Variants in PIEZO2 observed in about 807,000 individuals in gnomAD.
The protein encoded by PIEZO2 is piezo-type mechanosensitive ion channel component 2.
Under a neutral mutation model 337.3 loss-of-function variants are expected in PIEZO2, and 172 were observed. That is an observed-to-expected ratio of 0.51 (90% CI 0.45 to 0.58). The LOEUF is 0.58. PIEZO2 is among the 20% of genes least tolerant of loss of function. The probability of loss-of-function intolerance (pLI) is 0.00; values close to 1 mark genes in which losing one functional copy is unlikely to be tolerated. For synonymous variants in PIEZO2, 1,251 were observed against 1,228.5 expected, an observed-to-expected ratio of 1.02 and a Z score of -0.38; for missense variants, 3,028 against 3,391.3, an observed-to-expected ratio of 0.89 and a Z score of 2.66.
intron 2 of PIEZO2, among the ~76,000 whole-genome samples, chr18:11,005,251 T>C (rs2035678059): frequency 6.6e-6 from 1 of 152,258 alleles, no homozygotes; most frequent in Admixed American, 6.5e-5. Context: ...TAGAGATGTC[T>C]CCTGTACAGA....
chr18:11,117,792 G>A (rs1254380656), intron 1 of PIEZO2, among the ~76,000 whole-genome samples: 1 of 152,150 alleles, frequency 6.6e-6, no homozygotes, highest in Admixed American at 6.5e-5. Context: ...AGTCTTCAGC[G>A]GGAGCATCAC....
chr18:10,828,465 A>G lies in PIEZO2; in HGVS notation c.918-21191T>C, dbSNP rs1349056796. ...TTTTAACAGCTTCTTCAATTAAGGGATTCATGTTTTCCTTCCATTGTTTCC... is the reference window on the plus strand; with the variant it reads ...TTTTAACAGCTTCTTCAATTAAGGGGTTCATGTTTTCCTTCCATTGTTTCC... On this transcript the variant is annotated intron_variant, in intron 7 of 55. Transcript: ENST00000674853. The surrounding 1 kb of genome is among the most constrained non-coding windows in gnomAD (Gnocchi z 4.1). Among the ~76,000 whole-genome samples, 4 of 152,142 alleles carry G rather than the reference A, an allele frequency of 2.6e-5. No individual in the cohort carries two copies. The East Asian group carries it at 7.7e-4, about 29-fold the overall frequency.
rs2040239439 is a variant in PIEZO2 at position 11,128,188 on chromosome 18, C to T, written c.64+20337G>A. Among the ~76,000 whole-genome samples the T allele has an allele frequency of 6.6e-6, 1 of 152,030 alleles. No individual in the cohort carries two copies. The highest frequency in any genetic ancestry group is 1.5e-5 in the Non-Finnish European group (1 of 68,012). Reference sequence around the variant, plus strand: ...GTTGGTTGCTCCTAAGTTCAGTGGACAAAGTGATGAAAGAAAATGATGAAC... The same window carrying T: ...GTTGGTTGCTCCTAAGTTCAGTGGATAAAGTGATGAAAGAAAATGATGAAC... On this transcript the variant is annotated intron_variant, in intron 1 of 55. Coordinates refer to ENST00000674853, the MANE Select transcript of PIEZO2 (RefSeq NM_001378183.1). This position sits in a 1 kb window ranked among gnomAD's most constrained non-coding sequence, Gnocchi z 4.1.
At chr18:11,057,168 T>C (rs553526723) in intron 2 of PIEZO2, among the ~76,000 whole-genome samples, 7 of 152,268 alleles carry the variant, frequency 4.6e-5, no homozygotes, top group Middle Eastern at 3.4e-3. Context: ...GCTCTCGTTC[T>C]TGAGCTCTGT....
At chr18:10,996,399 T>G (rs1305481016) in intron 2 of PIEZO2, among the ~76,000 whole-genome samples, 1 of 152,240 alleles carries the variant, frequency 6.6e-6, no homozygotes, top group African/African-American at 2.4e-5. Context: ...GTTGAATAAT[T>G]CAATGGCATT....
At position 10,952,222 on chromosome 18, in the gene PIEZO2, A is replaced by AT. The variant is rs952519095; in HGVS notation, c.286+27312dup. ...TGTGGTCGCTGGCTCTTTTTAAATC[A>AT]TTTTTTTTCTTATTAGATTATAAGT... On this transcript the variant is annotated intron_variant, in intron 3 of 55. Transcript: ENST00000674853. This position sits in a 1 kb window ranked among gnomAD's most constrained non-coding sequence, Gnocchi z 4.1. 4.0e-5 allele frequency among the ~76,000 whole-genome samples: 6 copies of AT among 151,832 alleles called. No individual in the cohort carries two copies. The highest frequency in any genetic ancestry group is 4.2e-4 in the South Asian group (2 of 4,800).
At chr18:11,044,727 G>T (rs1261181942) in intron 2 of PIEZO2, among the ~76,000 whole-genome samples, 1 of 152,192 alleles carries the variant, frequency 6.6e-6, no homozygotes, top group Non-Finnish European at 1.5e-5. Context: ...TTGCTATGAA[G>T]ATAGAATTAG....
chr18:10,837,500 A>G lies in PIEZO2; in HGVS notation c.917+17853T>C, dbSNP rs1450506884. On this transcript the variant is annotated intron_variant, in intron 7 of 55. Coordinates refer to ENST00000674853, the MANE Select transcript of PIEZO2 (RefSeq NM_001378183.1). The surrounding 1 kb of genome is among the most constrained non-coding windows in gnomAD (Gnocchi z 4.4). ...ATCCTTACCACCATGCACATCCTTT[A>G]GAATGTTGGGGCCAGCAAGAAAGCT... Among the ~76,000 whole-genome samples, 1 of 152,148 alleles carries G rather than the reference A, an allele frequency of 6.6e-6. No homozygotes were observed. The highest frequency in any genetic ancestry group is 1.5e-5 in the Non-Finnish European group (1 of 68,028).
chr18:10,827,779 C>T (rs11873927), intron 7 of PIEZO2, among the ~76,000 whole-genome samples: 2 of 152,104 alleles, frequency 1.3e-5, no homozygotes, highest in African/African-American at 4.8e-5. Context: ...CCACATATTC[C>T]TCTCTTCTCT....
At chr18:10,994,883 A>G (rs1222709496) in intron 2 of PIEZO2, among the ~76,000 whole-genome samples, 2 of 150,678 alleles carry the variant, frequency 1.3e-5, no homozygotes, top group African/African-American at 4.9e-5. Flanking sequence ...GAAGTTCAAG[A>G]CCAGCCTGGC....
chr18:10,748,598 C>A lies in PIEZO2; in HGVS notation c.4297G>T (p.Gly1433Trp). The part of the protein sequence containing the change: ...AANSPCTLPS[G>W]EAGIIWDSIC... Reference sequence around the variant, plus strand: ...CTGTCCCAAATGATTCCTGCTTCCCCACTGGGAAGTGTACAGGGTGAATTA... The same window carrying A: ...CTGTCCCAAATGATTCCTGCTTCCCAACTGGGAAGTGTACAGGGTGAATTA... The change falls in exon 30 of 56, where the codon GGG (glycine) becomes TGG (tryptophan). Residue 1433 changes from glycine (G) to tryptophan (W), a missense_variant. Physicochemically the swap from Gly to Trp is radical, Grantham distance 184. Around this residue, in one of 5 missense-constraint regions of PIEZO2, gnomAD observed 1,925 missense variants for 2,051.9 expected, o/e 0.94. Coordinates refer to ENST00000674853, the MANE Select transcript of PIEZO2 (RefSeq NM_001378183.1). The surrounding 1 kb of genome is among the most constrained non-coding windows in gnomAD (Gnocchi z 5.1). 6.5e-7 allele frequency: 1 copy of A among 1,528,760 alleles called. No homozygotes were observed. Among genetic ancestry groups the A allele is most frequent in the South Asian group, 1.2e-5 (1 of 82,298 alleles). 94.7% of individuals were successfully genotyped at this position (1,528,760 alleles called of 1,614,324 possible). A position where few individuals can be genotyped will look rare whatever the true frequency, so the allele number is the denominator to read the frequency against.
At position 10,750,072 on chromosome 18, in the gene PIEZO2, A is replaced by C; in HGVS notation, c.4264+19T>G. ...CCCTCTTCTGCCTTTCTGCCTTCACACTTGCTTTTCATACTTACGCATTTG... is the reference window on the plus strand; with the variant it reads ...CCCTCTTCTGCCTTTCTGCCTTCACCCTTGCTTTTCATACTTACGCATTTG... On this transcript the variant is annotated intron_variant, in intron 29 of 55. Transcript: ENST00000674853. This position sits in a 1 kb window ranked among gnomAD's most constrained non-coding sequence, Gnocchi z 4.1. 1 of 1,518,348 alleles carries C rather than the reference A, an allele frequency of 6.6e-7. No individual in the cohort carries two copies. Among genetic ancestry groups the C allele is most frequent in the Non-Finnish European group, 8.9e-7 (1 of 1,129,726 alleles). The allele number at this position is 1,518,348 out of a possible 1,614,324, so 94.1% of individuals were successfully genotyped here.
chr18:10,772,159 A>G (rs1223663596), intron 20 of PIEZO2, among the ~76,000 whole-genome samples: 1 of 152,212 alleles, frequency 6.6e-6, no homozygotes, highest in Non-Finnish European at 1.5e-5. Context: ...ATTCATGCAT[A>G]GTGTATACAG....
chr18:10,979,301 G>A lies in PIEZO2; in HGVS notation c.286+234C>T, dbSNP rs1389566262. On this transcript the variant is annotated intron_variant, in intron 3 of 55. Coordinates refer to ENST00000674853, the MANE Select transcript of PIEZO2 (RefSeq NM_001378183.1). This position sits in a 1 kb window ranked among gnomAD's most constrained non-coding sequence, Gnocchi z 4.0. ...AATGTCTTACATGCAGATAGGAGGT[G>A]ATCTCCAATACATGCTGAAGAGTCA... Among the ~76,000 whole-genome samples the A allele has an allele frequency of 6.6e-6, 1 of 151,680 alleles. No individual in the cohort carries two copies. Among genetic ancestry groups the A allele is most frequent in the Admixed American group, 6.6e-5 (1 of 15,218 alleles).
chr18:11,136,079 G>A (rs1419404732), intron 1 of PIEZO2, among the ~76,000 whole-genome samples: 2 of 152,232 alleles, frequency 1.3e-5, no homozygotes, highest in Non-Finnish European at 2.9e-5. Context: ...TTTAGGGACT[G>A]TGTCACATCT....
At chr18:11,120,527 G>A (rs1376062233) in intron 1 of PIEZO2, among the ~76,000 whole-genome samples, 1 of 152,082 alleles carries the variant, frequency 6.6e-6, no homozygotes, top group Non-Finnish European at 1.5e-5. Flanking sequence ...CAGGAAGACA[G>A]GAAAGAGAGG....
chr18:11,024,590 A>C (rs2036460910), intron 2 of PIEZO2, among the ~76,000 whole-genome samples: 1 of 151,232 alleles, frequency 6.6e-6, no homozygotes, highest in Admixed American at 6.6e-5. Flanking sequence ...AAGGAAAGAA[A>C]GGGAGAGGGG....
At chr18:10,680,142 A>G (rs1236769665) in intron 52 of PIEZO2, 57 bp downstream of exon 52, 2 of 1,449,478 alleles carry the variant, frequency 1.4e-6, no homozygotes, top group Non-Finnish European at 1.9e-6. Context: ...TCCCTCCCCC[A>G]ACTCCATGTT....
intron 49 of PIEZO2, among the ~76,000 whole-genome samples, chr18:10,684,278 G>C (rs1446196213): frequency 1.4e-5 from 2 of 138,380 alleles, no homozygotes; most frequent in Admixed American, 8.0e-5. Context: ...CCATTCTCCT[G>C]CCTCAGCCTC....
Sources: allele counts gnomAD v4.1 joint callset (sites outside exome capture counted in the v4.1 genomes callset), GRCh38; gene constraint gnomAD v4.1.1; regional missense constraint gnomAD v4.1.1; non-coding constraint Gnocchi (gnomAD v3.1); transcripts MANE v1.5; gene names NCBI Gene and HGNC (gene_info 2026-07-23, HGNC 2026-07-21).